Variants in SLC4A10 observed in about 807,000 individuals in gnomAD.
SLC4A10 encodes sodium-driven chloride bicarbonate exchanger.
Under a neutral mutation model 137.7 loss-of-function variants are expected in SLC4A10, and 42 were observed. The ratio of observed to expected loss-of-function variants is 0.30; its 90% CI spans 0.24 to 0.39. SLC4A10 has a LOEUF of 0.39. Ranked by LOEUF, SLC4A10 falls within the 10% of genes least tolerant of loss-of-function variation. The pLI is 1.00. For synonymous variants in SLC4A10, 474 were observed against 464.1 expected (o/e 1.02, Z -0.27); for missense variants, 925 against 1,355.0 (o/e 0.68, Z 4.98).
chr2:161,840,379 A>G (rs1010124637), intron 4 of SLC4A10, among the ~76,000 whole-genome samples: 14 of 152,320 alleles, frequency 9.2e-5, no homozygotes, highest in Admixed American at 2.6e-4. Context: ...AATTTGTAAT[A>G]TGTTTCTAGG....
chr2:161,848,183 T>C (rs775102413), intron 4 of SLC4A10, among the ~76,000 whole-genome samples: 12 of 152,308 alleles, frequency 7.9e-5, no homozygotes, highest in Non-Finnish European at 1.5e-4. Context: ...TGTCTTCTTT[T>C]GAGAAGTGTC....
intron 1 of SLC4A10, among the ~76,000 whole-genome samples, chr2:161,700,602 A>G (rs2043023694): frequency 6.6e-6 from 1 of 152,114 alleles, no homozygotes; most frequent in African/African-American, 2.4e-5. Context: ...TGATTGCCTT[A>G]TGTATACTGT....
intron 3 of SLC4A10, among the ~76,000 whole-genome samples, 152 bp downstream of exon 3, chr2:161,804,747 G>T (rs907406233): frequency 6.6e-6 from 1 of 152,104 alleles, no homozygotes; most frequent in Non-Finnish European, 1.5e-5. Flanking sequence ...GAGAGATAAA[G>T]CTTGATCTTT....
chr2:161,696,431 A>C (rs1188106774), intron 1 of SLC4A10, among the ~76,000 whole-genome samples: 1 of 140,332 alleles, frequency 7.1e-6, no homozygotes, highest in Non-Finnish European at 1.5e-5. Context: ...CATTAGGTAT[A>C]TCTCCTAATG....
At chr2:161,645,089 A>G (rs1349672862) in intron 1 of SLC4A10, among the ~76,000 whole-genome samples, 1 of 152,146 alleles carries the variant, frequency 6.6e-6, no homozygotes, top group African/African-American at 2.4e-5. Context: ...TTTATTCTCA[A>G]AAGTAAAATG....
chr2:161,763,742 G>A (rs2050505668), intron 1 of SLC4A10, among the ~76,000 whole-genome samples: 1 of 152,146 alleles, frequency 6.6e-6, no homozygotes, highest in Non-Finnish European at 1.5e-5. Context: ...TTAACCAGAA[G>A]GTGGAAGGCA....
At chr2:161,821,236 T>C (rs1223542968) in intron 3 of SLC4A10, among the ~76,000 whole-genome samples, 1 of 152,158 alleles carries the variant, frequency 6.6e-6, no homozygotes, top group South Asian at 2.1e-4. Flanking sequence ...CATAATGGTA[T>C]TTTTTTGATG....
intron 1 of SLC4A10, among the ~76,000 whole-genome samples, chr2:161,741,646 A>G (rs1036699628): frequency 2.0e-5 from 3 of 152,294 alleles, no homozygotes; most frequent in Non-Finnish European, 2.9e-5. Context: ...TGTTGTCACA[A>G]ATGGCAGGAT....
intron 4 of SLC4A10, among the ~76,000 whole-genome samples, chr2:161,851,038 T>C (rs1026024486): frequency 1.2e-4 from 18 of 152,210 alleles, no homozygotes; most frequent in African/African-American, 4.3e-4. Context: ...CTTCTTGATA[T>C]TGATTTATAT....
At chr2:161,944,698 A>G (rs1455596115) in intron 16 of SLC4A10, among the ~76,000 whole-genome samples, 1 of 151,622 alleles carries the variant, frequency 6.6e-6, no homozygotes, top group Non-Finnish European at 1.5e-5. Flanking sequence ...TTTGCAATGG[A>G]TAATTGCTAA....
chr2:161,716,252 A>G (rs965078012), intron 1 of SLC4A10, among the ~76,000 whole-genome samples: 2 of 151,298 alleles, frequency 1.3e-5, no homozygotes, highest in African/African-American at 4.9e-5. Context: ...AGATGGATGG[A>G]TTGCAAAAAT....
At chr2:161,628,462 C>T (rs567089456) in intron 1 of SLC4A10, among the ~76,000 whole-genome samples, 2 of 151,936 alleles carry the variant, frequency 1.3e-5, no homozygotes, top group Admixed American at 1.3e-4. Flanking sequence ...CCAAGTGGCC[C>T]AGTTTATTGA....
chr2:161,797,242 C>T (rs374463301), intron 2 of SLC4A10, among the ~76,000 whole-genome samples: 3 of 152,074 alleles, frequency 2.0e-5, no homozygotes, highest in African/African-American at 7.2e-5. Flanking sequence ...TTCAATTGCT[C>T]TTCTGTTTTT....
chr2:161,730,570 T>C (rs1180054114), intron 1 of SLC4A10, among the ~76,000 whole-genome samples: 1 of 152,152 alleles, frequency 6.6e-6, no homozygotes, highest in Non-Finnish European at 1.5e-5. Flanking sequence ...ATTATAATTT[T>C]CCAAAAATAG....
intron 2 of SLC4A10, among the ~76,000 whole-genome samples, chr2:161,801,067 G>A (rs968110821): frequency 1.3e-5 from 2 of 151,976 alleles, no homozygotes; most frequent in Non-Finnish European, 2.9e-5. Flanking sequence ...CAGCAGTTGG[G>A]AGAGAACAAA....
chr2:161,723,367 C>A (rs1574576936), intron 1 of SLC4A10, among the ~76,000 whole-genome samples: 1 of 152,216 alleles, frequency 6.6e-6, no homozygotes, highest in African/African-American at 2.4e-5. Flanking sequence ...GTGGGTCACG[C>A]CAACTGCCTA....
chr2:161,720,122 GT>G (rs1053145396), intron 1 of SLC4A10, among the ~76,000 whole-genome samples: 14 of 152,154 alleles, frequency 9.2e-5, no homozygotes, highest in African/African-American at 3.4e-4. Context: ...TGGCTAGCCC[GT>G]TTTCCCAGCA....
rs765490908 is a variant in SLC4A10 at position 161,974,347 on chromosome 2, A to G, written c.3227+31A>G. On this transcript the variant is annotated intron_variant, in intron 24 of 26. Transcript: ENST00000446997. Reference sequence around the variant, plus strand: ...ACATAAATTTAAAAACACATCAATTAAAGTAATGAAATGCATTGTTATATA... The same window carrying G: ...ACATAAATTTAAAAACACATCAATTGAAGTAATGAAATGCATTGTTATATA... 1.4e-5 allele frequency: 21 copies of G among 1,522,026 alleles called. No homozygotes were observed. In the African/African-American group the frequency reaches 2.5e-4, roughly 18 times the overall value. The allele number at this position is 1,522,026 out of a possible 1,614,324, so 94.3% of individuals were successfully genotyped here.
intron 1 of SLC4A10, among the ~76,000 whole-genome samples, chr2:161,640,289 A>G (rs1440314755): frequency 6.6e-6 from 1 of 152,102 alleles, no homozygotes; most frequent in East Asian, 1.9e-4. Context: ...TCCTTTTGTG[A>G]ATACTCCCTT....
Sources: allele counts gnomAD v4.1 joint callset (sites outside exome capture counted in the v4.1 genomes callset), GRCh38; gene constraint gnomAD v4.1.1; transcripts MANE v1.5; gene names NCBI Gene and HGNC (gene_info 2026-07-23, HGNC 2026-07-21).